Variants in DLC1 observed in about 807,000 individuals in gnomAD.
DLC1 encodes the protein DLC1 Rho GTPase activating protein.
DLC1 carries 54 observed loss-of-function variants against 140.3 expected under a neutral mutation model. The ratio of observed to expected loss-of-function variants is 0.38; its 90% CI spans 0.31 to 0.48. The LOEUF is 0.48. Among genes scored for constraint, DLC1 ranks in the 20% least tolerant of loss-of-function variants. DLC1 has a pLI of 0.96. For synonymous variants in DLC1, 986 were observed against 728.1 expected (o/e 1.35, Z -5.70); for missense variants, 2,536 against 1,907.0 (o/e 1.33, Z -6.14).
intron 5 of DLC1, chr8:13,276,664 G>C: frequency 9.1e-7 from 1 of 1,100,176 alleles, no homozygotes; most frequent in Non-Finnish European, 1.1e-6. Context: ...ATCCGGAGGC[G>C]TCTCGCTTCC....
intron 4 of DLC1, among the ~76,000 whole-genome samples, chr8:13,380,043 C>T (rs904135723): frequency 7.2e-5 from 11 of 152,306 alleles, no homozygotes; most frequent in South Asian, 2.1e-4. Flanking sequence ...CTTTACAAAA[C>T]CTTTCTGGCC....
intron 7 of DLC1, among the ~76,000 whole-genome samples, chr8:13,109,962 A>C (rs542366761): frequency 7.2e-5 from 11 of 152,226 alleles, no homozygotes; most frequent in Non-Finnish European, 1.6e-4. Flanking sequence ...ACTTAGTTTC[A>C]TAATCAAATC....
At chr8:13,393,424 T>G in intron 4 of DLC1, 129 bp downstream of exon 4, 2 of 1,074,120 alleles carry the variant, frequency 1.9e-6, no homozygotes, top group Non-Finnish European at 2.6e-6. Context: ...ATTAAATAAA[T>G]TAAATATCAT....
intron 6 of DLC1, among the ~76,000 whole-genome samples, chr8:13,112,987 G>A (rs755399143): frequency 8.5e-5 from 13 of 152,194 alleles, no homozygotes; most frequent in Admixed American, 2.0e-4. Flanking sequence ...ATGTGAGAAA[G>A]TAACTATGTT....
At chr8:13,148,830 T>C (rs1823613007) in intron 5 of DLC1, among the ~76,000 whole-genome samples, 1 of 152,122 alleles carries the variant, frequency 6.6e-6, no homozygotes, top group African/African-American at 2.4e-5. Flanking sequence ...TCTTGCTCTG[T>C]CTCCCAGGCT....
At chr8:13,466,671 A>G (rs1191112622) in intron 2 of DLC1, among the ~76,000 whole-genome samples, 1 of 152,146 alleles carries the variant, frequency 6.6e-6, no homozygotes, top group Non-Finnish European at 1.5e-5. Flanking sequence ...TTGCCACTGT[A>G]CTAAGAGAAA....
At chr8:13,143,848 G>GAGAGAGACATAGAC (rs1490009372) in intron 5 of DLC1, among the ~76,000 whole-genome samples, 1 of 147,716 alleles carries the variant, frequency 6.8e-6, no homozygotes, top group African/African-American at 2.5e-5. Context: ...GAGAGAGAGA[G>GAGAGAGACATAGAC]AGAGACATAG....
At chr8:13,442,345 T>C (rs1306008256) in intron 2 of DLC1, among the ~76,000 whole-genome samples, 3 of 152,102 alleles carry the variant, frequency 2.0e-5, no homozygotes, top group African/African-American at 4.8e-5. Flanking sequence ...AAAGTCAAAA[T>C]TGACAAATGG....
At chr8:13,270,859 T>G (rs892272891) in intron 5 of DLC1, among the ~76,000 whole-genome samples, 3 of 152,188 alleles carry the variant, frequency 2.0e-5, no homozygotes, top group Non-Finnish European at 4.4e-5. Context: ...ACTGAAGGAA[T>G]GCTTAGTATA....
chr8:13,240,318 T>C (rs1829486057), intron 5 of DLC1, among the ~76,000 whole-genome samples: 1 of 152,204 alleles, frequency 6.6e-6, no homozygotes, highest in African/African-American at 2.4e-5. Flanking sequence ...AACATAACAA[T>C]GAAACGTGAC....
chr8:13,331,696 C>G (rs1198391244), intron 4 of DLC1, among the ~76,000 whole-genome samples: 1 of 151,940 alleles, frequency 6.6e-6, no homozygotes, highest in African/African-American at 2.4e-5. Flanking sequence ...AAATCCCCAC[C>G]AAATCCAAGA....
At chr8:13,586,924 C>G (rs1202074858) in intron 1 of DLC1, among the ~76,000 whole-genome samples, 2 of 152,008 alleles carry the variant, frequency 1.3e-5, no homozygotes, top group Non-Finnish European at 2.9e-5. Context: ...TAAGTAAGAC[C>G]CACCTGCATC....
chr8:13,559,795 T>A (rs1265388456), intron 1 of DLC1, among the ~76,000 whole-genome samples: 1 of 152,168 alleles, frequency 6.6e-6, no homozygotes, highest in African/African-American at 2.4e-5. Flanking sequence ...TCTGTGTTCG[T>A]TTTATACATC....
At chr8:13,114,172 G>A (rs557323380) in intron 6 of DLC1, among the ~76,000 whole-genome samples, 1 of 152,286 alleles carries the variant, frequency 6.6e-6, no homozygotes, top group South Asian at 2.1e-4. Context: ...GACCAGCTTG[G>A]CCAACATGGT....
intron 15 of DLC1, among the ~76,000 whole-genome samples, chr8:13,089,254 T>C (rs571858460): frequency 6.9e-6 from 1 of 143,890 alleles, no homozygotes; most frequent in African/African-American, 2.6e-5. Flanking sequence ...TGAAACTCCA[T>C]CTCAAAAGAA....
intron 1 of DLC1, among the ~76,000 whole-genome samples, chr8:13,504,436 T>C (rs1801961059): frequency 6.6e-6 from 1 of 152,128 alleles, no homozygotes; most frequent in Non-Finnish European, 1.5e-5. Flanking sequence ...TCAGAGAACA[T>C]TAAGAGAAGA....
intron 1 of DLC1, among the ~76,000 whole-genome samples, chr8:13,538,466 C>G (rs528227246): frequency 1.1e-4 from 16 of 151,896 alleles, no homozygotes; most frequent in African/African-American, 3.9e-4. Context: ...CTAGGGACTT[C>G]GAAGACGAGC....
intron 2 of DLC1, among the ~76,000 whole-genome samples, chr8:13,454,204 G>T (rs1386545344): frequency 6.6e-6 from 1 of 151,546 alleles, no homozygotes; most frequent in Non-Finnish European, 1.5e-5. Context: ...ATGTCTCCTG[G>T]GAAACTTATA....
intron 5 of DLC1, among the ~76,000 whole-genome samples, chr8:13,301,388 C>G (rs80285894): frequency 0.065 from 9,903 of 152,234 alleles, 445 homozygotes; most frequent in South Asian, 0.098. Context: ...CATTTTAGGA[C>G]TTGTGGAACA....
Sources: gnomAD v4.1 joint callset for allele counts (sites outside exome capture counted in the v4.1 genomes callset) on GRCh38, gnomAD v4.1.1 for gene constraint, MANE v1.5 for transcripts, NCBI Gene and HGNC (gene_info 2026-07-23, HGNC 2026-07-21) for gene names.